Variants in PFKFB2 observed in about 807,000 individuals in gnomAD.
PFKFB2 encodes 6-phosphofructo-2-kinase/fructose-2,6-biphosphatase 2.
PFKFB2 carries 53 observed loss-of-function variants against 68.0 expected under a neutral mutation model. That is an observed-to-expected ratio of 0.78 (90% CI 0.63 to 0.98). PFKFB2 has a LOEUF of 0.98. Among genes scored for constraint, PFKFB2 ranks in the 50% least tolerant of loss-of-function variants. PFKFB2 has a pLI of 0.00. For missense variants in PFKFB2, 451 were observed against 642.0 expected (o/e 0.70, Z 3.22); for synonymous variants, 222 against 227.6 (o/e 0.98, Z 0.22).
rs978843091 is a variant in PFKFB2 at position 207,074,651 on chromosome 1, C to T, written c.*2280C>T. On this transcript the variant is annotated 3_prime_UTR_variant, in exon 15 of 15. Coordinates refer to ENST00000367080, the MANE Select transcript of PFKFB2 (RefSeq NM_006212.2). Reference sequence around the variant, plus strand: ...ACCTGCTATTCCTGTTTAGTGGTTACATAACATGTACTTAGTGTCTTTGTG... The same window carrying T: ...ACCTGCTATTCCTGTTTAGTGGTTATATAACATGTACTTAGTGTCTTTGTG... 2.0e-6 allele frequency: 2 copies of T among 985,254 alleles called. No homozygotes were observed. Among genetic ancestry groups the T allele is most frequent in the Non-Finnish European group, 2.4e-6 (2 of 829,930 alleles). 61.0% of individuals were successfully genotyped at this position (985,254 alleles called of 1,614,324 possible).
Position 207,075,354 on chromosome 1 carries a change from G to A in PFKFB2, c.*2983G>A. 1 of 985,474 alleles carries A rather than the reference G, an allele frequency of 1.0e-6. No homozygotes were observed. Among genetic ancestry groups the A allele is most frequent in the Non-Finnish European group, 1.2e-6 (1 of 829,926 alleles). The allele number at this position is 985,474 out of a possible 1,614,324, so 61.0% of individuals were successfully genotyped here. On this transcript the variant is annotated 3_prime_UTR_variant, in exon 15 of 15. Coordinates refer to ENST00000367080, the MANE Select transcript of PFKFB2 (RefSeq NM_006212.2). Reference sequence around the variant, plus strand: ...CAAGCAAGGGCTTCAGCATCCTTTAGTTTCTAAAGCAAGATCCCTTCAGAG... The same window carrying A: ...CAAGCAAGGGCTTCAGCATCCTTTAATTTCTAAAGCAAGATCCCTTCAGAG...
chr1:207,074,318 C>A lies in PFKFB2; in HGVS notation c.*1947C>A. 1.0e-6 allele frequency: 1 copy of A among 985,420 alleles called. No homozygotes were observed. The highest frequency in any genetic ancestry group is 1.2e-6 in the Non-Finnish European group (1 of 829,924). 61.0% of individuals were successfully genotyped at this position (985,420 alleles called of 1,614,324 possible). Reference sequence around the variant, plus strand: ...GATCATAATGTTAAATGATATAACCCCCTGGAAGGCAGGCTGCTGTGTTTT... The same window carrying A: ...GATCATAATGTTAAATGATATAACCACCTGGAAGGCAGGCTGCTGTGTTTT... On this transcript the variant is annotated 3_prime_UTR_variant, in exon 15 of 15. Coordinates refer to ENST00000367080, the MANE Select transcript of PFKFB2 (RefSeq NM_006212.2).
rs1683510536 is a variant in PFKFB2 at position 207,072,909 on chromosome 1, G to A, written c.*538G>A. ...GTCCAGTGTAATGCATGGCATTGTGGTGTCTGTCTAGGAAGGAAGGGGTGA... is the reference window on the plus strand; with the variant it reads ...GTCCAGTGTAATGCATGGCATTGTGATGTCTGTCTAGGAAGGAAGGGGTGA... On this transcript the variant is annotated 3_prime_UTR_variant, in exon 15 of 15. Transcript: ENST00000367080. 1 of 985,888 alleles carries A rather than the reference G, an allele frequency of 1.0e-6. No individual in the cohort carries two copies. The highest frequency in any genetic ancestry group is 1.7e-5 in the African/African-American group (1 of 57,232). The allele number at this position is 985,888 out of a possible 1,614,324, so 61.1% of individuals were successfully genotyped here.
chr1:207,052,241 C>T, upstream of PFKFB2: 2 of 1,611,702 alleles, frequency 1.2e-6, no homozygotes, highest in Non-Finnish European at 1.7e-6. Flanking sequence ...TCCATCTTTT[C>T]ACATCTTTCA....
chr1:207,058,715 A>T (rs901890430), intron 2 of PFKFB2, among the ~76,000 whole-genome samples: 1 of 152,166 alleles, frequency 6.6e-6, no homozygotes, highest in African/African-American at 2.4e-5. Flanking sequence ...GGCTGGTCTC[A>T]AACTCCTGGG....
intron 2 of PFKFB2, chr1:207,047,807 G>C (rs535692287): frequency 2.0e-5 from 3 of 152,490 alleles, no homozygotes; most frequent in African/African-American, 7.2e-5. Flanking sequence ...AGTGAAACTA[G>C]TTCATTCAAC....
chr1:207,043,244 G>A (rs1003613581), intron 2 of PFKFB2, among the ~76,000 whole-genome samples: 52 of 152,272 alleles, frequency 3.4e-4, no homozygotes, highest in African/African-American at 1.3e-3. Flanking sequence ...ACCTTGTAAT[G>A]TGAAGTTTGG....
In PFKFB2 at chr1:207,072,791, A is replaced by G. The variant is rs1441208872; in HGVS notation, c.*420A>G. On this transcript the variant is annotated 3_prime_UTR_variant, in exon 15 of 15. Coordinates refer to ENST00000367080, the MANE Select transcript of PFKFB2 (RefSeq NM_006212.2). ...TGAGCAGTCGGGGGACAAAAAGTCT[A>G]TTTTTCCTTCACTTTTGTCTCTTCA... The G allele has an allele frequency of 2.0e-6, 2 of 996,220 alleles. No homozygotes were observed. The highest frequency in any genetic ancestry group is 2.4e-6 in the Non-Finnish European group (2 of 837,314). 61.7% of individuals were successfully genotyped at this position (996,220 alleles called of 1,614,324 possible).
At chr1:207,078,418 T>C (rs761206796), downstream of PFKFB2, among the ~76,000 whole-genome samples, 3 of 152,234 alleles carry the variant, frequency 2.0e-5, no homozygotes, top group East Asian at 5.8e-4. Context: ...GTGATTCATA[T>C]GCACATTTAA....
chr1:207,049,830 T>G, upstream of PFKFB2: 1 of 1,015,394 alleles, frequency 9.8e-7, no homozygotes, highest in Non-Finnish European at 1.4e-6. Flanking sequence ...AAGCATAAAC[T>G]GGGGTTACTA....
At chr1:207,072,044 TGC>T (rs1683479976) in intron 14 of PFKFB2, among the ~76,000 whole-genome samples, 158 bp from the exon 15 acceptor site, 1 of 152,212 alleles carries the variant, frequency 6.6e-6, no homozygotes, top group Non-Finnish European at 1.5e-5. Context: ...AGCCCCCTGA[TGC>T]TAGGAGGCCA....
upstream of PFKFB2, chr1:207,049,235 G>C (rs772673359): frequency 1.2e-6 from 2 of 1,614,110 alleles, no homozygotes; most frequent in Admixed American, 1.7e-5. Flanking sequence ...GGTGTATCTG[G>C]ATCAGGGAAG....
chr1:207,042,547 C>CATAAAAAAAAAAAA (rs1682499244), intron 2 of PFKFB2, among the ~76,000 whole-genome samples: 1 of 17,932 alleles, frequency 5.6e-5, no homozygotes. Flanking sequence ...CACTCTGTCT[C>CATAAAAAAAAAAAA]ACAAAAAAAA....
At chr1:207,037,756 C>A (rs1002821772) in intron 1 of PFKFB2, among the ~76,000 whole-genome samples, 9 of 152,152 alleles carry the variant, frequency 5.9e-5, no homozygotes, top group Non-Finnish European at 1.0e-4. Flanking sequence ...TACATCTATC[C>A]TCTTCTCTTG....
chr1:207,048,927 C>G, upstream of PFKFB2: 1 of 1,152,124 alleles, frequency 8.7e-7, no homozygotes, highest in Non-Finnish European at 1.2e-6. Flanking sequence ...AGCATTGTAT[C>G]CTTTGTTCTT....
chr1:207,053,678 C>T (rs1457490838), intron 1 of PFKFB2, among the ~76,000 whole-genome samples: 1 of 152,056 alleles, frequency 6.6e-6, no homozygotes, highest in African/African-American at 2.4e-5. Flanking sequence ...CTGAGGTGAC[C>T]TTGGGGAAGT....
At chr1:207,048,820 T>C (rs1682661310), upstream of PFKFB2, 3 of 584,756 alleles carry the variant, frequency 5.1e-6, no homozygotes, top group Non-Finnish European at 9.0e-6. Flanking sequence ...ATGTACAGTT[T>C]ACCACTGTAG....
At position 207,076,900 on chromosome 1, in the gene PFKFB2, G is replaced by A. The variant is rs1683642924; in HGVS notation, c.*4529G>A. On this transcript the variant is annotated 3_prime_UTR_variant, in exon 15 of 15. Coordinates refer to ENST00000367080, the MANE Select transcript of PFKFB2 (RefSeq NM_006212.2). Reference sequence around the variant, plus strand: ...ATCCATTGAAGTGTATGTACATTATGGTAATTCTCTGTCTATTAAATGTGT... The same window carrying A: ...ATCCATTGAAGTGTATGTACATTATAGTAATTCTCTGTCTATTAAATGTGT... The A allele has an allele frequency of 1.0e-6, 1 of 983,614 alleles. No individual in the cohort carries two copies. Among genetic ancestry groups the A allele is most frequent in the Admixed American group, 6.2e-5 (1 of 16,242 alleles). 60.9% of individuals were successfully genotyped at this position (983,614 alleles called of 1,614,324 possible).
rs1343576153 is a variant in PFKFB2 at position 207,062,659 on chromosome 1, C to T, written c.251C>T (p.Ser84Phe). Residue 84 changes from serine (S) to phenylalanine (F), a missense_variant, in exon 4 of 15, where the codon TCC (serine) becomes TTC (phenylalanine). Coordinates refer to ENST00000367080, the MANE Select transcript of PFKFB2 (RefSeq NM_006212.2). The stretch of plus-strand genomic sequence containing the variant: ...GTGTATCGGCGTGAAGCAGTCAAGT[C>T]CTATAAGTCCTACGACTTCTTTCGG... ...LGVYRREAVK[S>F]YKSYDFFRHD... is the part of the protein sequence containing the mutation. 1.2e-6 allele frequency: 2 copies of T among 1,614,130 alleles called. No homozygotes were observed.
Sources: gnomAD v4.1 joint callset for allele counts (sites outside exome capture counted in the v4.1 genomes callset) on GRCh38, gnomAD v4.1.1 for gene constraint, MANE v1.5 for transcripts, NCBI Gene and HGNC (gene_info 2026-07-23, HGNC 2026-07-21) for gene names.